CPLX1: variants seen among roughly 807,000 people sequenced by gnomAD.
CPLX1 encodes complexin 1, also known as complexin-1.
In CPLX1, 6 loss-of-function variants were observed where a neutral mutation model predicts 15.6. The observed-to-expected ratio is 0.39, with a 90% CI of 0.21 to 0.76. The LOEUF (loss-of-function observed/expected upper bound fraction) is 0.76. Ranked by LOEUF, CPLX1 falls within the 30% of genes least tolerant of loss-of-function variation. The probability of loss-of-function intolerance (pLI) is 0.43; values close to 1 mark genes in which losing one functional copy is unlikely to be tolerated. For synonymous variants in CPLX1, 91 were observed against 75.2 expected, an observed-to-expected ratio of 1.21 and a Z score of -1.08; for missense variants, 242 against 188.6, an observed-to-expected ratio of 1.28 and a Z score of -1.66.
intron 2 of CPLX1, among the ~76,000 whole-genome samples, chr4:805,332 C>T (rs1410335430): frequency 6.6e-6 from 1 of 152,208 alleles, no homozygotes. Context: ...CCCTGAAAAA[C>T]CTAACAGGTG....
chr4:820,837 G>A (rs1746847504), intron 2 of CPLX1, among the ~76,000 whole-genome samples: 1 of 149,796 alleles, frequency 6.7e-6, no homozygotes, highest in Non-Finnish European at 1.5e-5. Context: ...CCCCCAAGGT[G>A]GACACCGGTG....
chr4:800,847 A>ATGTGTGTGTGTG (rs754279208), intron 2 of CPLX1, among the ~76,000 whole-genome samples: 1 of 147,346 alleles, frequency 6.8e-6, no homozygotes, highest in Non-Finnish European at 1.5e-5. Flanking sequence ...GTGTATATAT[A>ATGTGTGTGTGTG]TGTATATATA....
At position 791,179 on chromosome 4, in the gene CPLX1, G is replaced by C. The variant is rs535499298; in HGVS notation, c.207+1254C>G. ...TGAAGCCCTGGGTCAGCTGCGGGGC[G>C]GGGGGCGGGGAGCGGGGGGCGGAGG... On this transcript the variant is annotated intron_variant, in intron 3 of 3. Transcript: ENST00000304062. 5.1e-3 allele frequency among the ~76,000 whole-genome samples: 767 copies of C among 150,448 alleles called. 6 individuals are homozygous for C. Among genetic ancestry groups the C allele is most frequent in the Non-Finnish European group, 6.1e-3 (413 of 67,812 alleles).
At chr4:795,042 G>A (rs1746291522) in intron 2 of CPLX1, among the ~76,000 whole-genome samples, 1 of 152,226 alleles carries the variant, frequency 6.6e-6, no homozygotes, top group Non-Finnish European at 1.5e-5. Context: ...AGGAGCCGAG[G>A]ATTCGTGCTC....
At chr4:793,263 A>T (rs1358843262) in intron 2 of CPLX1, among the ~76,000 whole-genome samples, 1 of 152,092 alleles carries the variant, frequency 6.6e-6, no homozygotes, top group Non-Finnish European at 1.5e-5. Flanking sequence ...CCCCTGGGGC[A>T]GAAGCTGGCA....
chr4:795,880 G>C (rs1219829464), intron 2 of CPLX1, among the ~76,000 whole-genome samples: 1 of 151,990 alleles, frequency 6.6e-6, no homozygotes, highest in Non-Finnish European at 1.5e-5. Flanking sequence ...CCCACCTCCC[G>C]GTAGCAGAAG....
chr4:790,128 TGGA>T (rs528365604), intron 3 of CPLX1, among the ~76,000 whole-genome samples: 22 of 152,114 alleles, frequency 1.4e-4, no homozygotes, highest in African/African-American at 5.3e-4. Flanking sequence ...AAAGGCTCTG[TGGA>T]GGAGGACTCT....
intron 2 of CPLX1, among the ~76,000 whole-genome samples, chr4:800,346 G>A (rs1342094692): frequency 6.6e-6 from 1 of 152,026 alleles, no homozygotes; most frequent in Non-Finnish European, 1.5e-5. Flanking sequence ...ATCTGATAAA[G>A]ATCTTAGGCC....
At chr4:794,058 G>A (rs1214279167) in intron 2 of CPLX1, among the ~76,000 whole-genome samples, 4 of 152,248 alleles carry the variant, frequency 2.6e-5, no homozygotes, top group East Asian at 3.9e-4. Context: ...AGCCTGGGGC[G>A]ACGCCCTCGC....
intron 3 of CPLX1, among the ~76,000 whole-genome samples, chr4:789,476 G>C (rs943839860): frequency 7.9e-5 from 12 of 152,276 alleles, no homozygotes; most frequent in Admixed American, 6.5e-4. Flanking sequence ...TCAGCAACCA[G>C]GTGGACACCT....
intron 3 of CPLX1, chr4:787,151 G>C (rs928750892): frequency 1.0e-6 from 1 of 985,398 alleles, no homozygotes; most frequent in Non-Finnish European, 1.2e-6. Context: ...TCACACTCCC[G>C]GGCCTGGCCA....
intron 3 of CPLX1, among the ~76,000 whole-genome samples, chr4:789,125 G>T (rs537039758): frequency 1.3e-5 from 2 of 152,236 alleles, no homozygotes; most frequent in African/African-American, 4.8e-5. Flanking sequence ...CTTGGCCTGA[G>T]GGCCAGGGTC....
chr4:816,506 C>T (rs1041638772), intron 2 of CPLX1, among the ~76,000 whole-genome samples: 4 of 152,192 alleles, frequency 2.6e-5, no homozygotes, highest in African/African-American at 4.8e-5. Flanking sequence ...GCATAAGCCA[C>T]TGCGCCCGGC....
chr4:792,318 A>G (rs1746202188), intron 3 of CPLX1, 115 bp downstream of exon 3: 4 of 811,752 alleles, frequency 4.9e-6, no homozygotes, highest in African/African-American at 1.9e-5. Flanking sequence ...AAAGGGTAGG[A>G]GGCCCAGGGG....
At chr4:795,947 C>CA (rs1367565030) in intron 2 of CPLX1, among the ~76,000 whole-genome samples, 1 of 152,120 alleles carries the variant, frequency 6.6e-6, no homozygotes, top group East Asian at 1.9e-4. Context: ...GTCAGGGCCG[C>CA]GCGTTTCCAG....
chr4:805,780 A>G (rs561182483), intron 2 of CPLX1, among the ~76,000 whole-genome samples: 44 of 152,356 alleles, frequency 2.9e-4, no homozygotes, highest in African/African-American at 1.0e-3. Context: ...TTAAAAAGGA[A>G]TTAAGTTCCA....
intron 2 of CPLX1, among the ~76,000 whole-genome samples, chr4:822,516 C>G (rs6842106): frequency 0.34 from 52,205 of 151,956 alleles, 9,178 homozygotes; most frequent in Middle Eastern, 0.44. Context: ...TTTTCTCTGT[C>G]TGTTTCTGGG....
At chr4:799,340 G>T (rs958358784) in intron 2 of CPLX1, among the ~76,000 whole-genome samples, 3 of 152,230 alleles carry the variant, frequency 2.0e-5, no homozygotes, top group Non-Finnish European at 4.4e-5. Context: ...CTATCCGATG[G>T]AGTCTCCTCA....
At chr4:810,359 G>A (rs1011050382) in intron 2 of CPLX1, among the ~76,000 whole-genome samples, 7 of 152,134 alleles carry the variant, frequency 4.6e-5, no homozygotes, top group South Asian at 2.1e-4. Context: ...TTGGGTCTGC[G>A]CTTTCATTTC....
Sources: gnomAD v4.1 joint callset for allele counts (sites outside exome capture counted in the v4.1 genomes callset) on GRCh38, gnomAD v4.1.1 for gene constraint, MANE v1.5 for transcripts, NCBI Gene and HGNC (gene_info 2026-07-23, HGNC 2026-07-21) for gene names.